The following AGMO variants were observed in gnomAD, a reference collection of about 807,000 sequenced individuals.
AGMO encodes the protein alkylglycerol monooxygenase.
In AGMO, 75 loss-of-function variants were observed where a neutral mutation model predicts 60.2. That is an observed-to-expected ratio of 1.25 (90% CI 1.03 to 1.51). AGMO has a LOEUF of 1.51. Among genes scored for constraint, AGMO ranks in the 40% most tolerant of loss-of-function variants. AGMO has a pLI of 0.00. For missense variants in AGMO, 763 were observed against 525.5 expected, an observed-to-expected ratio of 1.45 and a Z score of -4.42; for synonymous variants, 261 against 177.1, an observed-to-expected ratio of 1.47 and a Z score of -3.76.
Position 15,491,196 on chromosome 7 carries a change from C to A in AGMO, c.409+53576G>T, listed in dbSNP as rs567787538. On this transcript the variant is annotated intron_variant, in intron 3 of 12. Transcript: ENST00000342526. ...ATACAGAAATGACAGCGGAAAGACC[C>A]TTGTCCAGTAAGAACTCATGGTTTA... is the stretch of plus-strand genomic sequence containing the variant. Among the ~76,000 whole-genome samples the A allele has an allele frequency of 1.6e-3, 250 of 152,220 alleles. 1 individual carries two copies. The highest frequency in any genetic ancestry group is 8.4e-4 in the Non-Finnish European group (57 of 67,994).
chr7:15,388,878 C>G (rs868547303), intron 8 of AGMO, among the ~76,000 whole-genome samples: 2 of 152,086 alleles, frequency 1.3e-5, no homozygotes, highest in African/African-American at 4.8e-5. Context: ...AAGAGTAAAC[C>G]TTAGACCCAC....
intron 3 of AGMO, among the ~76,000 whole-genome samples, chr7:15,511,626 G>C (rs1783675720): frequency 6.6e-6 from 1 of 152,076 alleles, no homozygotes; most frequent in Non-Finnish European, 1.5e-5. Context: ...TAAGAGAATA[G>C]ATCTTAAGTA....
intron 12 of AGMO, among the ~76,000 whole-genome samples, chr7:15,260,527 C>G (rs1783237450): frequency 6.6e-6 from 1 of 152,004 alleles, no homozygotes; most frequent in South Asian, 2.1e-4. Context: ...ACCATTACTA[C>G]TAGACCTAAG....
the AGMO span, among the ~76,000 whole-genome samples, chr7:15,140,677 A>T: frequency 6.6e-6 from 1 of 151,996 alleles, no homozygotes; most frequent in African/African-American, 2.4e-5. Context: ...CCCATATATT[A>T]AGGTTTTGAT....
the AGMO span, among the ~76,000 whole-genome samples, chr7:15,181,981 G>A: frequency 6.6e-6 from 1 of 152,102 alleles, no homozygotes; most frequent in Non-Finnish European, 1.5e-5. Flanking sequence ...ATCCACAGAT[G>A]AAAGGACAAA....
At chr7:15,332,354 A>C (rs965255390) in intron 12 of AGMO, among the ~76,000 whole-genome samples, 2 of 152,154 alleles carry the variant, frequency 1.3e-5, no homozygotes, top group African/African-American at 4.8e-5. Context: ...GAGTTCATCT[A>C]AACTGTTAAA....
chr7:15,179,360 T>C, the AGMO span, among the ~76,000 whole-genome samples: 1 of 152,140 alleles, frequency 6.6e-6, no homozygotes, highest in Non-Finnish European at 1.5e-5. Context: ...AAACAAATTA[T>C]CTACTTTCAG....
chr7:15,147,605 T>A, the AGMO span, among the ~76,000 whole-genome samples: 2 of 152,080 alleles, frequency 1.3e-5, no homozygotes, highest in African/African-American at 4.8e-5. Flanking sequence ...ACCATACCCA[T>A]TATCTTTTAA....
intron 12 of AGMO, among the ~76,000 whole-genome samples, chr7:15,204,360 A>C (rs1563033539): frequency 6.6e-6 from 1 of 152,164 alleles, no homozygotes; most frequent in African/African-American, 2.4e-5. Context: ...TAAATATGTC[A>C]CTTTACTTGA....
intron 2 of AGMO, among the ~76,000 whole-genome samples, 168 bp from the exon 3 acceptor site, chr7:15,545,091 G>T (rs1784740699): frequency 6.6e-6 from 1 of 151,936 alleles, no homozygotes; most frequent in Non-Finnish European, 1.5e-5. Context: ...AAATTCCTTG[G>T]TATCAAAATC....
chr7:15,186,723 C>A, the AGMO span, among the ~76,000 whole-genome samples: 2 of 152,160 alleles, frequency 1.3e-5, no homozygotes, highest in East Asian at 1.9e-4. Flanking sequence ...AAAGGTTAGG[C>A]AATTCAGTTG....
chr7:15,435,716 C>A (rs181934685), intron 3 of AGMO, among the ~76,000 whole-genome samples: 39 of 151,858 alleles, frequency 2.6e-4, no homozygotes, highest in African/African-American at 9.2e-4. Context: ...TCATGAAATC[C>A]AGTTTATATT....
the AGMO span, among the ~76,000 whole-genome samples, chr7:15,145,902 T>A: frequency 2.6e-5 from 4 of 152,170 alleles, no homozygotes; most frequent in African/African-American, 9.6e-5. Context: ...TGTTTTAAAG[T>A]ATTGTTTATC....
At chr7:15,181,803 G>A in the AGMO span, among the ~76,000 whole-genome samples, 1 of 152,116 alleles carries the variant, frequency 6.6e-6, no homozygotes, top group South Asian at 2.1e-4. Context: ...TACTTTTACT[G>A]CATTGATTGA....
the AGMO span, among the ~76,000 whole-genome samples, chr7:15,119,111 A>G: frequency 2.2e-4 from 33 of 151,682 alleles, 1 homozygote; most frequent in Non-Finnish European, 3.8e-4. Flanking sequence ...ACAGTGAAGG[A>G]GTTCTGGGCA....
chr7:15,420,953 C>T (rs1780906316), intron 4 of AGMO, among the ~76,000 whole-genome samples: 2 of 152,068 alleles, frequency 1.3e-5, no homozygotes, highest in South Asian at 2.1e-4. Context: ...ACAACCCAGA[C>T]CTATGTGTTT....
chr7:15,508,898 A>G (rs1267153283), intron 3 of AGMO, among the ~76,000 whole-genome samples: 1 of 152,230 alleles, frequency 6.6e-6, no homozygotes, highest in African/African-American at 2.4e-5. Context: ...AATGTATGTC[A>G]TGCTTTCTAC....
intron 3 of AGMO, among the ~76,000 whole-genome samples, chr7:15,460,180 C>G (rs1001916878): frequency 3.4e-5 from 5 of 146,818 alleles, no homozygotes; most frequent in Admixed American, 6.9e-5. Context: ...GATCTCTGCT[C>G]ACTGCAACCT....
the AGMO span, among the ~76,000 whole-genome samples, chr7:15,143,793 G>C: frequency 6.4e-4 from 97 of 151,882 alleles, no homozygotes; most frequent in African/African-American, 2.3e-3. Flanking sequence ...TCTTAGAATG[G>C]AAGGAATGAT....
Sources: gnomAD v4.1 joint callset for allele counts (sites outside exome capture counted in the v4.1 genomes callset) on GRCh38, gnomAD v4.1.1 for gene constraint, MANE v1.5 for transcripts, NCBI Gene and HGNC (gene_info 2026-07-23, HGNC 2026-07-21) for gene names.